CAMK1D: variants seen among roughly 807,000 people sequenced by gnomAD.
CAMK1D encodes the protein calcium/calmodulin-dependent protein kinase type 1D.
In CAMK1D, 9 loss-of-function variants were observed where a neutral mutation model predicts 47.7. That is an observed-to-expected ratio of 0.19 (90% CI 0.11 to 0.33). The LOEUF (loss-of-function observed/expected upper bound fraction) is 0.33. Among genes scored for constraint, CAMK1D ranks in the 10% least tolerant of loss-of-function variants. CAMK1D has a pLI of 1.00. For synonymous variants in CAMK1D, 184 were observed against 184.9 expected (o/e 0.99, Z 0.04); for missense variants, 291 against 488.7 (o/e 0.60, Z 3.81).
intron 1 of CAMK1D, among the ~76,000 whole-genome samples, chr10:12,498,285 C>A (rs1259988375): frequency 6.6e-6 from 1 of 152,150 alleles, no homozygotes; most frequent in Non-Finnish European, 1.5e-5. Context: ...GCTCCAAACT[C>A]TCCAAACCCT....
rs577203729 is a variant in CAMK1D, at chr10:12,563,437, G to A, written c.224+10081G>A. 5.9e-5 allele frequency among the ~76,000 whole-genome samples: 9 copies of A among 152,256 alleles called. 1 individual carries two copies. The South Asian group carries it at 1.2e-3, about 21-fold the overall frequency. On this transcript the variant is annotated intron_variant, in intron 2 of 10. Transcript: ENST00000619168. ...GCTCTCAATGGATTTGAACATACCC[G>A]CTTACACGGGTGAGGATAATCTTTT... is the stretch of plus-strand genomic sequence containing the variant.
intron 2 of CAMK1D, among the ~76,000 whole-genome samples, chr10:12,565,726 A>G (rs1238576157): frequency 6.6e-6 from 1 of 152,142 alleles, no homozygotes; most frequent in African/African-American, 2.4e-5. Flanking sequence ...CATTTCACAG[A>G]TGAGGAATTT....
chr10:12,785,402 C>A (rs1837677952), intron 5 of CAMK1D, among the ~76,000 whole-genome samples: 4 of 152,290 alleles, frequency 2.6e-5, no homozygotes, highest in Admixed American at 2.6e-4. Context: ...TCAAAGCATC[C>A]CTCTTGCAGG....
intron 1 of CAMK1D, among the ~76,000 whole-genome samples, chr10:12,402,543 G>A (rs1839267603): frequency 6.6e-6 from 1 of 152,200 alleles, no homozygotes; most frequent in Non-Finnish European, 1.5e-5. Context: ...TCCTGTCAGT[G>A]AGGAAATTAA....
intron 2 of CAMK1D, among the ~76,000 whole-genome samples, chr10:12,637,933 T>C (rs2399867): frequency 0.49 from 73,914 of 151,938 alleles, 18,674 homozygotes; most frequent in South Asian, 0.64. Context: ...GCCACCGATG[T>C]CCAGCCTTGT....
In CAMK1D at chr10:12,569,570, T is replaced by A. The variant is rs530925824; in HGVS notation, c.224+16214T>A. On this transcript the variant is annotated intron_variant, in intron 2 of 10. Transcript: ENST00000619168. ...CTAAAAATACAAAAAAAAAAAAAAA[T>A]TAGCCGGGCTTGGTGGCGGGCGCCT... Among the ~76,000 whole-genome samples, 556 of 117,330 alleles carry A rather than the reference T, an allele frequency of 4.7e-3. 14 individuals carry two copies. The East Asian group carries it at 0.08, about 17-fold the overall frequency. The allele number at this position is 117,330 out of a possible 152,430, so 77.0% of individuals were successfully genotyped here.
chr10:12,531,831 G>T (rs1384790717), intron 1 of CAMK1D, among the ~76,000 whole-genome samples: 2 of 152,322 alleles, frequency 1.3e-5, no homozygotes, highest in East Asian at 1.9e-4. Flanking sequence ...GCTTTTGCTG[G>T]TCTTCCTACC....
At chr10:12,545,840 A>C (rs1228395448) in intron 1 of CAMK1D, among the ~76,000 whole-genome samples, 1 of 151,956 alleles carries the variant, frequency 6.6e-6, no homozygotes, top group Non-Finnish European at 1.5e-5. Flanking sequence ...TGCCAAGCAG[A>C]AAGAAAAAGG....
intron 3 of CAMK1D, among the ~76,000 whole-genome samples, chr10:12,680,997 A>T (rs1255279794): frequency 6.6e-6 from 1 of 151,748 alleles, no homozygotes; most frequent in Non-Finnish European, 1.5e-5. Context: ...ACTTTCTTAC[A>T]TTGACGGCTT....
intron 1 of CAMK1D, among the ~76,000 whole-genome samples, chr10:12,409,118 A>T (rs766221142): frequency 1.3e-5 from 2 of 151,814 alleles, no homozygotes; most frequent in East Asian, 3.9e-4. Context: ...CAACCTCCCA[A>T]AGTGCTGGTA....
intron 1 of CAMK1D, among the ~76,000 whole-genome samples, chr10:12,362,943 C>CT (rs397809296): frequency 0.21 from 28,025 of 135,226 alleles, 3,341 homozygotes; most frequent in South Asian, 0.33. Flanking sequence ...CCCGCCCGGC[C>CT]TTTTTTTTTT....
At chr10:12,722,339 G>C (rs1381479211) in intron 3 of CAMK1D, among the ~76,000 whole-genome samples, 2 of 151,196 alleles carry the variant, frequency 1.3e-5, no homozygotes, top group Non-Finnish European at 2.9e-5. Context: ...CCAGCTACTA[G>C]GGAGGCTGAG....
intron 1 of CAMK1D, among the ~76,000 whole-genome samples, chr10:12,507,715 CCT>C (rs776095674): frequency 3.9e-4 from 59 of 152,294 alleles, no homozygotes; most frequent in African/African-American, 1.3e-3. Context: ...CGGTCCCTCC[CCT>C]GTTTCTCAGC....
intron 2 of CAMK1D, among the ~76,000 whole-genome samples, chr10:12,645,969 TG>T (rs780448167): frequency 7.3e-5 from 10 of 136,674 alleles, no homozygotes; most frequent in African/African-American, 1.3e-4. Context: ...AATGGCTAGT[TG>T]TTTTTTTTTT....
intron 1 of CAMK1D, among the ~76,000 whole-genome samples, chr10:12,425,338 A>T (rs1386948058): frequency 2.0e-5 from 3 of 147,388 alleles, no homozygotes; most frequent in African/African-American, 7.6e-5. Context: ...CTGGGGTGCA[A>T]TGGTGCAGTC....
intron 1 of CAMK1D, among the ~76,000 whole-genome samples, chr10:12,419,311 A>C (rs1839966111): frequency 6.6e-6 from 1 of 152,146 alleles, no homozygotes; most frequent in African/African-American, 2.4e-5. Context: ...TGAGGTTGGG[A>C]GCCTGGGGCC....
intron 2 of CAMK1D, among the ~76,000 whole-genome samples, chr10:12,583,201 A>T (rs1395786080): frequency 6.6e-6 from 1 of 152,176 alleles, no homozygotes; most frequent in African/African-American, 2.4e-5. Context: ...TGGAAAATAC[A>T]TCTGTACAGG....
intron 3 of CAMK1D, among the ~76,000 whole-genome samples, chr10:12,691,601 A>AT (rs200652231): frequency 6.6e-6 from 1 of 150,458 alleles, no homozygotes; most frequent in Non-Finnish European, 1.5e-5. Flanking sequence ...TCCAGCTCAT[A>AT]TTTTTTGTAT....
At chr10:12,623,056 C>A (rs1839049875) in intron 2 of CAMK1D, among the ~76,000 whole-genome samples, 1 of 137,266 alleles carries the variant, frequency 7.3e-6, no homozygotes, top group Non-Finnish European at 1.6e-5. Context: ...TCCCTCCCTC[C>A]CTCCCTCCCT....
Sources: gnomAD v4.1 joint callset for allele counts (sites outside exome capture counted in the v4.1 genomes callset) on GRCh38, gnomAD v4.1.1 for gene constraint, MANE v1.5 for transcripts, NCBI Gene and HGNC (gene_info 2026-07-23, HGNC 2026-07-21) for gene names.